Variants in AGBL4 observed in about 807,000 individuals in gnomAD.
AGBL4 encodes the protein AGBL carboxypeptidase 4.
A neutral mutation model predicts 66.4 loss-of-function variants in AGBL4; 58 were observed. That is an observed-to-expected ratio of 0.87 (90% CI 0.71 to 1.09). The LOEUF (loss-of-function observed/expected upper bound fraction) is 1.09, where lower values mean the gene tolerates loss of function less well. AGBL4 is among the 50% of genes least tolerant of loss of function. AGBL4 has a pLI of 0.00. For missense variants in AGBL4, 579 were observed against 631.0 expected (o/e 0.92, Z 0.88); for synonymous variants, 234 against 222.9 (o/e 1.05, Z -0.44).
chr1:49,162,266 TTATG>T (rs1646554988), intron 4 of AGBL4, among the ~76,000 whole-genome samples: 1 of 152,166 alleles, frequency 6.6e-6, no homozygotes, highest in Admixed American at 6.5e-5. Context: ...TATTTTTCTA[TTATG>T]TCCCTAAAAT....
intron 6 of AGBL4, among the ~76,000 whole-genome samples, chr1:48,691,793 C>T (rs1417194438): frequency 1.3e-5 from 2 of 152,168 alleles, no homozygotes. Context: ...CAGCCTCCCT[C>T]CTCTCCCCTG....
chr1:49,295,979 G>A (rs941121948), intron 3 of AGBL4, among the ~76,000 whole-genome samples: 1 of 152,090 alleles, frequency 6.6e-6, no homozygotes, highest in Non-Finnish European at 1.5e-5. Context: ...CTGTGACAAC[G>A]TATCTTTGTC....
At chr1:49,742,099 G>C (rs1008091929) in intron 2 of AGBL4, among the ~76,000 whole-genome samples, 1 of 152,206 alleles carries the variant, frequency 6.6e-6, no homozygotes, top group African/African-American at 2.4e-5. Flanking sequence ...TAGGAAGAGA[G>C]GAAGTCAAAT....
intron 1 of AGBL4, among the ~76,000 whole-genome samples, chr1:49,928,437 G>C (rs541815480): frequency 9.3e-4 from 142 of 152,060 alleles, no homozygotes; most frequent in African/African-American, 3.3e-3. Flanking sequence ...TTTTAGTATA[G>C]ATAGGGTTTC....
chr1:49,515,173 A>G (rs1649671810), intron 3 of AGBL4, among the ~76,000 whole-genome samples: 2 of 152,112 alleles, frequency 1.3e-5, no homozygotes, highest in Admixed American at 6.5e-5. Flanking sequence ...TCTACAATGA[A>G]CTCAAAGAAA....
At chr1:48,959,548 A>G (rs747870490) in intron 5 of AGBL4, among the ~76,000 whole-genome samples, 2 of 152,156 alleles carry the variant, frequency 1.3e-5, no homozygotes, top group Non-Finnish European at 2.9e-5. Flanking sequence ...AGTAAGAGAG[A>G]CTGGAAATGC....
chr1:48,979,580 G>T (rs975383330), intron 5 of AGBL4, among the ~76,000 whole-genome samples: 4 of 151,966 alleles, frequency 2.6e-5, no homozygotes, highest in African/African-American at 9.7e-5. Flanking sequence ...AGGGAAGCAG[G>T]AAAATAATCC....
intron 2 of AGBL4, among the ~76,000 whole-genome samples, chr1:49,824,734 C>G (rs775535007): frequency 3.3e-5 from 5 of 152,180 alleles, no homozygotes; most frequent in Non-Finnish European, 7.3e-5. Flanking sequence ...TTACACCACG[C>G]ATGTGGAGAA....
chr1:49,185,333 G>C (rs1646997194), intron 4 of AGBL4, among the ~76,000 whole-genome samples: 1 of 152,166 alleles, frequency 6.6e-6, no homozygotes, highest in Non-Finnish European at 1.5e-5. Flanking sequence ...TACAAGCAAA[G>C]CATCACAACT....
Position 48,953,027 on chromosome 1 carries a change from G to A in AGBL4, c.595-85797C>T, listed in dbSNP as rs562149899. Among the ~76,000 whole-genome samples, 4 of 152,272 alleles carry A rather than the reference G, an allele frequency of 2.6e-5. No individual in the cohort carries two copies. In the South Asian group the frequency reaches 8.3e-4, roughly 32 times the overall value. On this transcript the variant is annotated intron_variant, in intron 5 of 13. Transcript: ENST00000371839. ...TGACACTGTTTCCGTGCGTGAAAAT[G>A]GTGATAGTTCTTCCTTTCTAGGATG...
chr1:49,259,510 G>C (rs1260061195), intron 3 of AGBL4, among the ~76,000 whole-genome samples: 6 of 149,664 alleles, frequency 4.0e-5, no homozygotes, highest in African/African-American at 1.2e-4. Flanking sequence ...TGCAATCCTA[G>C]TCTCTGATAA....
intron 5 of AGBL4, among the ~76,000 whole-genome samples, chr1:49,002,304 C>T (rs562229080): frequency 6.6e-6 from 1 of 152,186 alleles, no homozygotes; most frequent in African/African-American, 2.4e-5. Flanking sequence ...TTTGTTGGAC[C>T]CCTTTAATGG....
At chr1:49,447,953 AG>A (rs1391015182) in intron 3 of AGBL4, among the ~76,000 whole-genome samples, 1 of 152,080 alleles carries the variant, frequency 6.6e-6, no homozygotes. Context: ...ACTGTGATCT[AG>A]GATACTCTAC....
chr1:49,042,141 A>G (rs1424588806), intron 5 of AGBL4, among the ~76,000 whole-genome samples: 1 of 152,080 alleles, frequency 6.6e-6, no homozygotes, highest in Non-Finnish European at 1.5e-5. Context: ...CAAGACTTGT[A>G]TATATACCTT....
intron 4 of AGBL4, among the ~76,000 whole-genome samples, chr1:49,237,955 G>A (rs1164520883): frequency 3.3e-5 from 5 of 151,678 alleles, no homozygotes; most frequent in African/African-American, 1.2e-4. Context: ...CATTCTTAAT[G>A]GATATTTTTG....
intron 3 of AGBL4, among the ~76,000 whole-genome samples, chr1:49,530,960 A>T (rs1651094661): frequency 2.0e-5 from 3 of 152,086 alleles, no homozygotes; most frequent in Admixed American, 2.0e-4. Context: ...AACACTGAGG[A>T]TTAGATGAAA....
intron 5 of AGBL4, among the ~76,000 whole-genome samples, chr1:48,940,801 G>C (rs1458635486): frequency 6.6e-6 from 1 of 152,194 alleles, no homozygotes; most frequent in Non-Finnish European, 1.5e-5. Flanking sequence ...TCAATCATTG[G>C]TTATTCCAAC....
chr1:49,417,674 G>A (rs916764904), intron 3 of AGBL4, among the ~76,000 whole-genome samples: 2 of 152,090 alleles, frequency 1.3e-5, no homozygotes, highest in Admixed American at 6.5e-5. Flanking sequence ...ACCTCATAAT[G>A]TGTCCCATTC....
chr1:49,629,616 G>A (rs908303818), intron 3 of AGBL4, among the ~76,000 whole-genome samples: 5 of 152,134 alleles, frequency 3.3e-5, no homozygotes, highest in African/African-American at 7.2e-5. Context: ...GAGGCTCCAC[G>A]ATGATATTTC....
Sources: gnomAD v4.1 joint callset for allele counts (sites outside exome capture counted in the v4.1 genomes callset) on GRCh38, gnomAD v4.1.1 for gene constraint, MANE v1.5 for transcripts, NCBI Gene and HGNC (gene_info 2026-07-23, HGNC 2026-07-21) for gene names.